The following UGT1A6 variants were observed in gnomAD, a reference collection of about 807,000 sequenced individuals.
UGT1A6 encodes UDP glucuronosyltransferase family 1 member A6, also known as UDP-glucuronosyltransferase 1A6.
Under a neutral mutation model 44.4 loss-of-function variants are expected in UGT1A6, and 32 were observed. The observed-to-expected ratio is 0.72, with a 90% CI of 0.54 to 0.97. The LOEUF (loss-of-function observed/expected upper bound fraction) is 0.97, where lower values mean the gene tolerates loss of function less well. UGT1A6 is among the 50% of genes least tolerant of loss of function. The pLI, the probability that UGT1A6 is intolerant of heterozygous loss-of-function variation, is 0.00. For missense variants in UGT1A6, 685 were observed against 661.9 expected (o/e 1.03, Z -0.38); for synonymous variants, 238 against 248.5 (o/e 0.96, Z 0.40).
In UGT1A6 at chr2:233,754,546, T is replaced by C. The variant is rs548396817; in HGVS notation, c.862-12488T>C. The C allele has an allele frequency of 8.9e-5, 34 of 380,532 alleles. No homozygotes were observed. In the Middle Eastern group the frequency reaches 1.9e-3, roughly 21 times the overall value. 23.6% of individuals were successfully genotyped at this position (380,532 alleles called of 1,614,324 possible). A position where few individuals can be genotyped will look rare whatever the true frequency, so the allele number is the denominator to read the frequency against. On this transcript the variant is annotated intron_variant, in intron 1 of 4. Transcript: ENST00000305139. ...AAAGGCAAATGTGGACTGGAATTAC[T>C]TGGTGTCAATGGGGAGCAACTGCTC...
At position 233,713,263 on chromosome 2, in the gene UGT1A6, G is replaced by A. The variant is rs146477190; in HGVS notation, c.861+19398G>A. On this transcript the variant is annotated intron_variant, in intron 1 of 4. Transcript: ENST00000305139. ...TCATGGACCCAGGACGAATTTGATC[G>A]CCTTTTGCTGGGTCACACTCAATCG... 2.3e-4 allele frequency: 375 copies of A among 1,614,196 alleles called. 3 individuals are homozygous for A. The highest frequency in any genetic ancestry group is 2.3e-3 in the Middle Eastern group (14 of 6,062).
chr2:233,760,910 A>G (rs1375729895), intron 1 of UGT1A6: 2 of 1,614,074 alleles, frequency 1.2e-6, no homozygotes, highest in Non-Finnish European at 1.7e-6. Context: ...ACCTTCCTGC[A>G]GCGGGTGAAG....
At chr2:233,724,842 G>C (rs2077321270) in intron 1 of UGT1A6, among the ~76,000 whole-genome samples, 1 of 132,456 alleles carries the variant, frequency 7.5e-6, no homozygotes, top group Non-Finnish European at 1.6e-5. Flanking sequence ...GGAGGCCAAG[G>C]CAGGCGGCTG....
In UGT1A6 at chr2:233,729,871, C is replaced by G. The variant is rs752223675; in HGVS notation, c.861+36006C>G. On this transcript the variant is annotated intron_variant, in intron 1 of 4. Coordinates refer to ENST00000305139, the MANE Select transcript of UGT1A6 (RefSeq NM_001072.4). Reference sequence around the variant, plus strand: ...GAGAGAGGTGTCAGTGGTGGATATTCTCAGTCATGCATCTGTGTGGCTGTT... The same window carrying G: ...GAGAGAGGTGTCAGTGGTGGATATTGTCAGTCATGCATCTGTGTGGCTGTT... The G allele has an allele frequency of 1.5e-5, 25 of 1,613,730 alleles. No homozygotes were observed. Among genetic ancestry groups the G allele is most frequent in the African/African-American group, 4.0e-5 (3 of 74,882 alleles).
intron 1 of UGT1A6, among the ~76,000 whole-genome samples, chr2:233,717,146 T>C (rs952577384): frequency 6.6e-6 from 1 of 152,072 alleles, no homozygotes; most frequent in Non-Finnish European, 1.5e-5. Context: ...TACATGGAAA[T>C]AGAACATGGG....
intron 1 of UGT1A6, chr2:233,722,120 C>G (rs2076991666): frequency 5.4e-6 from 1 of 185,150 alleles, no homozygotes; most frequent in South Asian, 1.2e-4. Context: ...CTATCATCAT[C>G]ATTAGTAGAG....
chr2:233,692,382 A>T (rs1465003326), upstream of UGT1A6: 1 of 155,436 alleles, frequency 6.4e-6, no homozygotes, highest in Non-Finnish European at 1.4e-5. Flanking sequence ...GATTGACTCC[A>T]AGAAAGAGGG....
Position 233,693,656 on chromosome 2 carries a change from G to A in UGT1A6, c.652G>A (p.Glu218Lys), listed in dbSNP as rs764049007. The A allele has an allele frequency of 6.2e-7, 1 of 1,614,020 alleles. No homozygotes were observed. Among genetic ancestry groups the A allele is most frequent in the Admixed American group, 1.7e-5 (1 of 59,998 alleles). The change falls in exon 1 of 5, where the codon GAG becomes AAG. Residue 218 changes from glutamate (E) to lysine (K), a missense_variant. By Grantham distance (56) the Glu-to-Lys change is moderately conservative (BLOSUM62 1). Coordinates refer to ENST00000305139, the MANE Select transcript of UGT1A6 (RefSeq NM_001072.4). ...GGCCAACTTCCTTGTTAATTTGTTG[G>A]AGCCCTATCTATTTTATTGTCTGTT... The part of the protein sequence containing the change: ...RVANFLVNLL[E>K]PYLFYCLFSK...
intron 1 of UGT1A6, among the ~76,000 whole-genome samples, chr2:233,749,373 T>C (rs1474844214): frequency 3.9e-5 from 6 of 151,924 alleles, no homozygotes; most frequent in Non-Finnish European, 7.3e-5. Flanking sequence ...TGCCCTTTTC[T>C]TCCAGTTTTT....
rs1364557158 is a variant in UGT1A6, at chr2:233,695,130, C to CTTTCTTTTTTTTTT, written c.861+1268_861+1269insCTTTTTTTTTTTTT. Among the ~76,000 whole-genome samples the CTTTCTTTTTTTTTT allele has an allele frequency of 1.2e-4, 17 of 138,832 alleles. 1 individual carries two copies. Among genetic ancestry groups the CTTTCTTTTTTTTTT allele is most frequent in the African/African-American group, 3.3e-4 (12 of 36,788 alleles). 91.1% of individuals were successfully genotyped at this position (138,832 alleles called of 152,430 possible). On this transcript the variant is annotated intron_variant, in intron 1 of 4. Transcript: ENST00000305139. ...GCCCATTAACCAACCCTTTTCTTTT[C>CTTTCTTTTTTTTTT]TTTTTTTTTTTTTTGAGACAGAGTC...
At chr2:233,718,140 TC>T (rs2125658372) in intron 1 of UGT1A6, 1 of 233,266 alleles carries the variant, frequency 4.3e-6, no homozygotes, top group African/African-American at 2.2e-5. Context: ...TGGAGAATCC[TC>T]AATAAAGCCT....
intron 1 of UGT1A6, among the ~76,000 whole-genome samples, chr2:233,721,183 C>G (rs1370349767): frequency 6.6e-6 from 1 of 152,146 alleles, no homozygotes; most frequent in East Asian, 1.9e-4. Flanking sequence ...GATCAAACCA[C>G]AAGATATTTG....
intron 1 of UGT1A6, chr2:233,743,526 C>T (rs1373846752): frequency 7.3e-7 from 1 of 1,367,230 alleles, no homozygotes; most frequent in Admixed American, 1.9e-5. Flanking sequence ...TTCTGCTTCC[C>T]CAGCAGTTCC....
chr2:233,731,860 A>G (rs2078213759), intron 1 of UGT1A6, among the ~76,000 whole-genome samples: 1 of 152,222 alleles, frequency 6.6e-6, no homozygotes, highest in Non-Finnish European at 1.5e-5. Context: ...GAATCGCCAC[A>G]CTGTCTTCCA....
chr2:233,698,522 A>G (rs1416828415), intron 1 of UGT1A6, among the ~76,000 whole-genome samples: 1 of 152,236 alleles, frequency 6.6e-6, no homozygotes, highest in Non-Finnish European at 1.5e-5. Context: ...TCGGCAATAC[A>G]TAAAGTAAAC....
At position 233,739,969 on chromosome 2, in the gene UGT1A6, C is replaced by T. The variant is rs1048693209; in HGVS notation, c.862-27065C>T. Among the ~76,000 whole-genome samples, 3 of 151,864 alleles carry T rather than the reference C, an allele frequency of 2.0e-5. No homozygotes were observed. In the East Asian group the frequency reaches 5.8e-4, roughly 29 times the overall value. ...CTGGTGGGAGCTGATTGAATCATAT[C>T]GGCAGTTTTCCCCATGCTGTTCTTG... On this transcript the variant is annotated intron_variant, in intron 1 of 4. Coordinates refer to ENST00000305139, the MANE Select transcript of UGT1A6 (RefSeq NM_001072.4).
At chr2:233,735,047 G>A (rs1460443849) in intron 1 of UGT1A6, among the ~76,000 whole-genome samples, 1 of 152,202 alleles carries the variant, frequency 6.6e-6, no homozygotes, top group Non-Finnish European at 1.5e-5. Context: ...GTGCAGAGCT[G>A]AGTTCAGGTC....
intron 1 of UGT1A6, chr2:233,748,124 G>C (rs1575688214): frequency 9.9e-6 from 16 of 1,610,630 alleles, no homozygotes; most frequent in Non-Finnish European, 1.3e-5. Flanking sequence ...AGGCAAAACA[G>C]TTTTTAAAAA....
chr2:233,729,130 G>A, intron 1 of UGT1A6: 3 of 1,613,182 alleles, frequency 1.9e-6, no homozygotes, highest in Non-Finnish European at 2.5e-6. Context: ...TGCTGAGATG[G>A]CCACAGGACT....
Sources: allele counts gnomAD v4.1 joint callset (sites outside exome capture counted in the v4.1 genomes callset), GRCh38; gene constraint gnomAD v4.1.1; transcripts MANE v1.5; gene names NCBI Gene and HGNC (gene_info 2026-07-23, HGNC 2026-07-21).